EPHA6: variants seen among roughly 807,000 people sequenced by gnomAD.
EPHA6 encodes the protein ephrin type-A receptor 6.
Under a neutral mutation model 112.0 loss-of-function variants are expected in EPHA6, and 50 were observed. The observed-to-expected ratio is 0.45, with a 90% CI of 0.36 to 0.56. The LOEUF is 0.56. Among genes scored for constraint, EPHA6 ranks in the 20% least tolerant of loss-of-function variants. The pLI, the probability that EPHA6 is intolerant of heterozygous loss-of-function variation, is 0.00. For synonymous variants in EPHA6, 529 were observed against 490.7 expected, an observed-to-expected ratio of 1.08 and a Z score of -1.03; for missense variants, 1,280 against 1,417.4, an observed-to-expected ratio of 0.90 and a Z score of 1.56.
chr3:97,579,952 A>T (rs1413106558), intron 11 of EPHA6, among the ~76,000 whole-genome samples: 1 of 152,210 alleles, frequency 6.6e-6, no homozygotes, highest in African/African-American at 2.4e-5. Context: ...GTAAAATTGA[A>T]TATAATACTT....
In EPHA6 at chr3:97,629,088, G is replaced by A. The variant is rs569046316; in HGVS notation, c.2575-8785G>A. Among the ~76,000 whole-genome samples, 7 of 151,782 alleles carry A rather than the reference G, an allele frequency of 4.6e-5. No homozygotes were observed. The East Asian group carries it at 1.2e-3, about 25-fold the overall frequency. On this transcript the variant is annotated intron_variant, in intron 13 of 17. Transcript: ENST00000389672. Reference sequence around the variant, plus strand: ...TGGGACCACAGGCATACACCACCGCGCTAGCTAATTTTTTATTTTTGTAGA... The same window carrying A: ...TGGGACCACAGGCATACACCACCGCACTAGCTAATTTTTTATTTTTGTAGA...
intron 14 of EPHA6, among the ~76,000 whole-genome samples, chr3:97,639,516 C>T (rs1333755813): frequency 6.6e-6 from 1 of 151,960 alleles, no homozygotes; most frequent in East Asian, 1.9e-4. Context: ...AAAATTGCAA[C>T]AAATACAATC....
intron 11 of EPHA6, among the ~76,000 whole-genome samples, chr3:97,534,461 T>C (rs2873460): frequency 0.23 from 29,269 of 129,038 alleles, 3,901 homozygotes; most frequent in African/African-American, 0.42. Context: ...CACCCCCCCC[T>C]TTTTTTTTTT....
intron 7 of EPHA6, among the ~76,000 whole-genome samples, chr3:97,473,048 TTAAA>T (rs2091272318): frequency 6.6e-6 from 1 of 151,810 alleles, no homozygotes. Flanking sequence ...TAGTTTCCTA[TTAAA>T]TAAATAATGA....
intron 5 of EPHA6, among the ~76,000 whole-genome samples, chr3:97,402,580 T>G (rs2109113933): frequency 6.6e-6 from 1 of 152,224 alleles, no homozygotes; most frequent in Middle Eastern, 3.4e-3. Flanking sequence ...TCTTGTTTTT[T>G]TAAGCGGTCT....
chr3:97,633,914 A>G (rs2093924817), intron 13 of EPHA6, among the ~76,000 whole-genome samples: 1 of 152,146 alleles, frequency 6.6e-6, no homozygotes, highest in Non-Finnish European at 1.5e-5. Context: ...TCAGCCAGAC[A>G]GAGGTGAATA....
rs540025539 is a variant in EPHA6 at position 97,467,259 on chromosome 3, A to T, written c.1895-8093A>T. ...AGAATTTCCTCAAGAAATTATTTAG[A>T]TTTTTTTTCTAAATAATTCTGTTTT... On this transcript the variant is annotated intron_variant, in intron 7 of 17. Coordinates refer to ENST00000389672, the MANE Select transcript of EPHA6 (RefSeq NM_001080448.3). Among the ~76,000 whole-genome samples, 4 of 151,484 alleles carry T rather than the reference A, an allele frequency of 2.6e-5. No homozygotes were observed. In the South Asian group the frequency reaches 8.3e-4, roughly 32 times the overall value.
At chr3:97,641,661 G>A (rs1340367650) in intron 14 of EPHA6, among the ~76,000 whole-genome samples, 1 of 152,226 alleles carries the variant, frequency 6.6e-6, no homozygotes, top group Non-Finnish European at 1.5e-5. Context: ...CCCTTTCTGA[G>A]TCAAAGAAAG....
intron 5 of EPHA6, among the ~76,000 whole-genome samples, chr3:97,393,266 T>G (rs755440378): frequency 2.4e-4 from 37 of 151,928 alleles, no homozygotes; most frequent in Non-Finnish European, 4.7e-4. Context: ...TTGAGGATAC[T>G]TTTTTCCCTC....
chr3:97,617,399 G>T (rs145152547), intron 13 of EPHA6, among the ~76,000 whole-genome samples: 1 of 152,030 alleles, frequency 6.6e-6, no homozygotes. Context: ...CTAGCATCAC[G>T]ATGTCAGGAT....
intron 12 of EPHA6, among the ~76,000 whole-genome samples, chr3:97,602,271 G>C (rs2093649330): frequency 6.6e-6 from 1 of 151,954 alleles, no homozygotes. Flanking sequence ...AAATCTGAAG[G>C]TTTTTCCAAT....
At chr3:97,004,653 C>T (rs561524732) in intron 3 of EPHA6, among the ~76,000 whole-genome samples, 22 of 152,282 alleles carry the variant, frequency 1.4e-4, no homozygotes, top group African/African-American at 4.8e-4. Flanking sequence ...AATTAGATCC[C>T]ATTTATCAAT....
chr3:97,339,248 A>G lies in EPHA6; in HGVS notation c.1607-65902A>G, dbSNP rs556336735. On this transcript the variant is annotated intron_variant, in intron 5 of 17. Coordinates refer to ENST00000389672, the MANE Select transcript of EPHA6 (RefSeq NM_001080448.3). ...ATATGAGGAGCAGATACAGGTATGCAGGACATATGTAAACAAATACATCTC... is the reference window on the plus strand; with the variant it reads ...ATATGAGGAGCAGATACAGGTATGCGGGACATATGTAAACAAATACATCTC... Among the ~76,000 whole-genome samples the G allele has an allele frequency of 2.6e-4, 39 of 152,330 alleles. 1 individual carries two copies. Among genetic ancestry groups the G allele is most frequent in the African/African-American group, 7.0e-4 (29 of 41,578 alleles).
chr3:97,076,604 A>G (rs1247088000), intron 3 of EPHA6, among the ~76,000 whole-genome samples: 1 of 152,218 alleles, frequency 6.6e-6, no homozygotes, highest in East Asian at 1.9e-4. Flanking sequence ...TAGCTACACT[A>G]ACAACATATT....
chr3:97,390,987 G>A (rs1400559373), intron 5 of EPHA6, among the ~76,000 whole-genome samples: 1 of 151,984 alleles, frequency 6.6e-6, no homozygotes, highest in Non-Finnish European at 1.5e-5. Context: ...ACCCAAGGTA[G>A]CATTTACTAT....
At chr3:97,189,974 A>G (rs1213680432) in intron 3 of EPHA6, among the ~76,000 whole-genome samples, 1 of 151,992 alleles carries the variant, frequency 6.6e-6, no homozygotes, top group African/African-American at 2.4e-5. Flanking sequence ...TGTATTGGAG[A>G]TGGATGAGGA....
intron 10 of EPHA6, among the ~76,000 whole-genome samples, chr3:97,504,140 T>A (rs973272288): frequency 6.6e-6 from 1 of 152,198 alleles, no homozygotes; most frequent in Admixed American, 6.5e-5. Context: ...AATGAAGAGA[T>A]CTCACTTGCT....
chr3:97,243,817 A>T, intron 4 of EPHA6, 135 bp from the exon 5 acceptor site: 1 of 646,762 alleles, frequency 1.5e-6, no homozygotes, highest in Non-Finnish European at 2.6e-6. Flanking sequence ...CCATGTGATC[A>T]TTATAGATCC....
At chr3:97,727,783 A>G (rs751569413) in intron 15 of EPHA6, among the ~76,000 whole-genome samples, 24 of 152,094 alleles carry the variant, frequency 1.6e-4, no homozygotes, top group Non-Finnish European at 3.4e-4. Flanking sequence ...AGGCTATCGC[A>G]GTATTTTAAT....
Sources: allele counts gnomAD v4.1 joint callset (sites outside exome capture counted in the v4.1 genomes callset), GRCh38; gene constraint gnomAD v4.1.1; transcripts MANE v1.5; gene names NCBI Gene and HGNC (gene_info 2026-07-23, HGNC 2026-07-21).